CDK8: variants seen among roughly 807,000 people sequenced by gnomAD.
The protein encoded by CDK8 is cyclin-dependent kinase 8.
Under a neutral mutation model 71.5 loss-of-function variants are expected in CDK8, and 29 were observed. The ratio of observed to expected loss-of-function variants is 0.41; its 90% CI spans 0.30 to 0.55. The LOEUF (loss-of-function observed/expected upper bound fraction) is 0.55. Ranked by LOEUF, CDK8 falls within the 20% of genes least tolerant of loss-of-function variation. The pLI is 0.37. For missense variants in CDK8, 288 were observed against 572.6 expected, an observed-to-expected ratio of 0.50 and a Z score of 5.07; for synonymous variants, 161 against 192.1, an observed-to-expected ratio of 0.84 and a Z score of 1.34.
At chr13:26,400,370 A>G (rs1876197868) in intron 9 of CDK8, 83 bp from the exon 10 acceptor site, 1 of 848,458 alleles carries the variant, frequency 1.2e-6, no homozygotes, top group Admixed American at 2.0e-5. Context: ...TATTCACCAA[A>G]AAATATATAT....
chr13:26,344,365 TC>T, intron 2 of CDK8, among the ~76,000 whole-genome samples: 1 of 152,196 alleles, frequency 6.6e-6, no homozygotes, highest in Non-Finnish European at 1.5e-5. Context: ...AATGCATGTT[TC>T]TTTTCGTAAG....
intron 4 of CDK8, among the ~76,000 whole-genome samples, chr13:26,377,256 G>T (rs536161930): frequency 2.2e-4 from 33 of 152,324 alleles, no homozygotes; most frequent in Non-Finnish European, 2.9e-4. Flanking sequence ...ATCTCAGTGA[G>T]TCCTGAAGGC....
intron 1 of CDK8, among the ~76,000 whole-genome samples, chr13:26,306,618 T>G (rs1025483390): frequency 5.4e-5 from 8 of 147,736 alleles, no homozygotes; most frequent in Non-Finnish European, 1.5e-5. Context: ...TGCCCCTTAT[T>G]GCTCTTTTTT....
intron 1 of CDK8, among the ~76,000 whole-genome samples, chr13:26,283,261 T>G (rs1324944956): frequency 6.6e-6 from 1 of 152,196 alleles, no homozygotes; most frequent in Non-Finnish European, 1.5e-5. Context: ...TGTCAGCACA[T>G]GGAACATTCT....
intron 4 of CDK8, among the ~76,000 whole-genome samples, chr13:26,380,443 A>C (rs1025532554): frequency 2.0e-5 from 3 of 151,936 alleles, no homozygotes; most frequent in Admixed American, 2.0e-4. Flanking sequence ...GGCTTCTTGA[A>C]GTGCTGGGAT....
At chr13:26,380,760 C>T (rs928208193) in intron 4 of CDK8, among the ~76,000 whole-genome samples, 69 of 152,210 alleles carry the variant, frequency 4.5e-4, no homozygotes, top group African/African-American at 1.6e-3. Context: ...GCATTACAGG[C>T]GTGAGCTACT....
At chr13:26,362,222 AGATG>A (rs66479948) in intron 4 of CDK8, among the ~76,000 whole-genome samples, 61,526 of 146,546 alleles carry the variant, frequency 0.42, 12,842 homozygotes, top group East Asian at 0.57. Flanking sequence ...GATAGATGAT[AGATG>A]GATGGATGGA....
At position 26,382,706 on chromosome 13, in the gene CDK8, G is replaced by A. The variant is rs1346466785; in HGVS notation, c.457-108G>A. 4 of 649,216 alleles carry A rather than the reference G, an allele frequency of 6.2e-6. No homozygotes were observed. In the East Asian group the frequency reaches 8.4e-5, roughly 14 times the overall value. 40.2% of individuals were successfully genotyped at this position (649,216 alleles called of 1,614,324 possible). ...CTTCCTGTATTTGGTTTTAATTTTT[G>A]AATAAATGAGATTTTTTAAAAGGTG... On this transcript the variant is annotated intron_variant, in intron 4 of 12. Transcript: ENST00000381527.
intron 10 of CDK8, 37 bp downstream of exon 10, chr13:26,400,587 G>A (rs1876208975): frequency 8.1e-7 from 1 of 1,234,734 alleles, no homozygotes; most frequent in Non-Finnish European, 1.2e-6. Context: ...CAGCATGATG[G>A]AAGTTTTGGA....
chr13:26,306,967 A>G (rs945053880), intron 1 of CDK8, among the ~76,000 whole-genome samples: 1 of 151,950 alleles, frequency 6.6e-6, no homozygotes, highest in African/African-American at 2.4e-5. Context: ...AAATTTTAGG[A>G]CTCTATGAAA....
chr13:26,385,521 G>A lies in CDK8; in HGVS notation c.646+179G>A, dbSNP rs1875434642. Among the ~76,000 whole-genome samples the A allele has an allele frequency of 2.0e-5, 3 of 152,224 alleles. 1 individual carries two copies. The highest frequency in any genetic ancestry group is 4.2e-4 in the South Asian group (2 of 4,818). ...AGGCGGAGGCAGCTGGATCACTTGA[G>A]TCCAGTAGTTTTGAGACCAGCCTGG... On this transcript the variant is annotated intron_variant, in intron 6 of 12. Coordinates refer to ENST00000381527, the MANE Select transcript of CDK8 (RefSeq NM_001260.3).
intron 1 of CDK8, among the ~76,000 whole-genome samples, chr13:26,293,354 G>C (rs796726135): frequency 2.4e-4 from 36 of 152,170 alleles, no homozygotes; most frequent in African/African-American, 8.4e-4. Context: ...TGTAATCGGA[G>C]CACTTTGGGC....
intron 6 of CDK8, among the ~76,000 whole-genome samples, chr13:26,391,685 C>T (rs1271336845): frequency 6.6e-6 from 1 of 152,138 alleles, no homozygotes; most frequent in African/African-American, 2.4e-5. Context: ...TTCCCATATA[C>T]CTTTCGATGA....
chr13:26,362,684 C>T (rs1038768333), intron 4 of CDK8, among the ~76,000 whole-genome samples: 6 of 152,098 alleles, frequency 3.9e-5, no homozygotes, highest in Admixed American at 1.3e-4. Context: ...GTTTCAAATG[C>T]CAGTCTCTTC....
chr13:26,318,384 C>G, intron 1 of CDK8, among the ~76,000 whole-genome samples: 1 of 152,110 alleles, frequency 6.6e-6, no homozygotes, highest in African/African-American at 2.4e-5. Flanking sequence ...ACCACTCCCT[C>G]TAAAACTTTC....
At chr13:26,277,077 C>T (rs1172355548) in intron 1 of CDK8, among the ~76,000 whole-genome samples, 2 of 152,142 alleles carry the variant, frequency 1.3e-5, no homozygotes, top group African/African-American at 4.8e-5. Flanking sequence ...CAGAAGAACA[C>T]ACAAACAATG....
In CDK8 at chr13:26,400,633, T is replaced by A. The variant is rs1876212373; in HGVS notation, c.1031+83T>A. ...TTCTGCTTGTCAGCTCTTAAGTTGC[T>A]CCTCCTCTTATATGGGAACCCAAGG... On this transcript the variant is annotated intron_variant, in intron 10 of 12. Coordinates refer to ENST00000381527, the MANE Select transcript of CDK8 (RefSeq NM_001260.3). The A allele has an allele frequency of 7.2e-6, 6 of 831,702 alleles. 1 individual carries two copies. The East Asian group carries it at 1.5e-4, about 20-fold the overall frequency. 51.5% of individuals were successfully genotyped at this position (831,702 alleles called of 1,614,324 possible).
rs1451403955 is a variant in CDK8, at chr13:26,254,822, C to G, written c.128+53C>G. 8 of 1,591,512 alleles carry G rather than the reference C, an allele frequency of 5.0e-6. No homozygotes were observed. In the South Asian group the frequency reaches 6.8e-5, roughly 13 times the overall value. ...CGCGCTGGGCGGCGCTCCCGCAGGCCGAGGCAGGTAGCCCGGAGGGAGAGC... is the reference window on the plus strand; with the variant it reads ...CGCGCTGGGCGGCGCTCCCGCAGGCGGAGGCAGGTAGCCCGGAGGGAGAGC... On this transcript the variant is annotated intron_variant, in intron 1 of 12. Coordinates refer to ENST00000381527, the MANE Select transcript of CDK8 (RefSeq NM_001260.3). This position sits in a 1 kb window ranked among gnomAD's most constrained non-coding sequence, Gnocchi z 6.7.
chr13:26,264,335 G>A (rs1258584516), intron 1 of CDK8, among the ~76,000 whole-genome samples: 1 of 151,854 alleles, frequency 6.6e-6, no homozygotes, highest in Non-Finnish European at 1.5e-5. Flanking sequence ...CCCTGGGCTG[G>A]AGTGCTGTGG....
Sources: gnomAD v4.1 joint callset for allele counts (sites outside exome capture counted in the v4.1 genomes callset) on GRCh38, gnomAD v4.1.1 for gene constraint, Gnocchi (gnomAD v3.1) non-coding constraint, MANE v1.5 for transcripts, NCBI Gene and HGNC (gene_info 2026-07-23, HGNC 2026-07-21) for gene names.